ANGPT4: variants seen among roughly 807,000 people sequenced by gnomAD.
The protein encoded by ANGPT4 is angiopoietin-4.
ANGPT4 carries 50 observed loss-of-function variants against 53.0 expected under a neutral mutation model. That is an observed-to-expected ratio of 0.94 (90% confidence interval 0.75 to 1.20). ANGPT4 has a LOEUF of 1.20. Ranked by LOEUF, ANGPT4 falls within the 50% of genes most tolerant of loss-of-function variation. The pLI, the probability that ANGPT4 is intolerant of heterozygous loss-of-function variation, is 0.00. For missense variants in ANGPT4, 648 were observed against 637.1 expected (o/e 1.02, Z -0.18); for synonymous variants, 251 against 259.7 (o/e 0.97, Z 0.32).
Position 900,971 on chromosome 20 carries a change from G to A in ANGPT4, c.310-10603C>T, listed in dbSNP as rs146409694. ...CAGGCCATCACCAATCATTCTATAC[G>A]ACAAATGCTCCTTCTAACAACCCCA... On this transcript the variant is annotated intron_variant, in intron 1 of 8. Coordinates refer to ENST00000381922, the MANE Select transcript of ANGPT4 (RefSeq NM_015985.4). Among the ~76,000 whole-genome samples, 134 of 152,060 alleles carry A rather than the reference G, an allele frequency of 8.8e-4. No homozygotes were observed. The East Asian group carries it at 0.015, about 18-fold the overall frequency.
intron 2 of ANGPT4, among the ~76,000 whole-genome samples, chr20:888,855 A>G (rs1405480461): frequency 6.6e-6 from 1 of 152,048 alleles, no homozygotes; most frequent in Non-Finnish European, 1.5e-5. Flanking sequence ...CTCTTAAAAC[A>G]TGTTTGCTCT....
chr20:916,013 G>C lies in ANGPT4; in HGVS notation c.202C>G (p.Leu68Val). 2 of 1,614,142 alleles carry C rather than the reference G, an allele frequency of 1.2e-6. No individual in the cohort carries two copies. The highest frequency in any genetic ancestry group is 1.7e-6 in the Non-Finnish European group (2 of 1,179,974). Reference protein sequence around the residue: ...GPEVSRDSNTLQRESLANPLH... With the variant: ...GPEVSRDSNTVQRESLANPLH... ...GGGTTGGCCAGTGATTCTCTCTGGA[G>C]GGTGTTGGAGTCCCTGGAGACCTCA... Residue 68 changes from leucine (L) to valine (V), a missense_variant, in exon 1 of 9, where the codon CTC becomes GTC. Physicochemically the swap from Leu to Val is conservative, Grantham distance 32. Coordinates refer to ENST00000381922, the MANE Select transcript of ANGPT4 (RefSeq NM_015985.4).
rs999617409 is a variant in ANGPT4, at chr20:895,894, AG to A, written c.310-5527del. ...TGATTGCCAGGGCCTGGGTCCGGGG[AG>A]GGGGTGGGGATTGATTGTTAAAGGA... is the stretch of plus-strand genomic sequence containing the variant. On this transcript the variant is annotated intron_variant, in intron 1 of 8. Coordinates refer to ENST00000381922, the MANE Select transcript of ANGPT4 (RefSeq NM_015985.4). Among the ~76,000 whole-genome samples, 3 of 113,168 alleles carry A rather than the reference AG, an allele frequency of 2.7e-5. No homozygotes were observed. In the Admixed American group the frequency reaches 3.1e-4, roughly 12 times the overall value. The allele number at this position is 113,168 out of a possible 152,430, so 74.2% of individuals were successfully genotyped here.
At position 870,497 on chromosome 20, in the gene ANGPT4, A is replaced by G. The variant is rs1202022895; in HGVS notation, c.*2463T>C. 6.6e-6 allele frequency: 1 copy of G among 152,280 alleles called. No homozygotes were observed. Among genetic ancestry groups the G allele is most frequent in the Non-Finnish European group, 1.5e-5 (1 of 68,092 alleles). 9.4% of individuals were successfully genotyped at this position (152,280 alleles called of 1,614,324 possible). On this transcript the variant is annotated 3_prime_UTR_variant, in exon 9 of 9. Transcript: ENST00000381922. ...ATCTGAGATCATGCCACTGCACTCC[A>G]GCCTGGGTGACAGAGTGAGACTCTG...
chr20:873,195 C>A, intron 8 of ANGPT4, 75 bp from the exon 9 acceptor site: 1 of 1,407,258 alleles, frequency 7.1e-7, no homozygotes, highest in Non-Finnish European at 9.6e-7. Flanking sequence ...CCCCTGTGTC[C>A]CAAAGAGAAC....
intron 7 of ANGPT4, 111 bp from the exon 8 acceptor site, chr20:874,525 G>C: frequency 6.8e-7 from 1 of 1,461,740 alleles, no homozygotes; most frequent in South Asian, 1.3e-5. Flanking sequence ...TCCCCTCCAG[G>C]TGTTCTTGGA....
At chr20:907,653 G>A (rs1568857328) in intron 1 of ANGPT4, among the ~76,000 whole-genome samples, 3 of 152,142 alleles carry the variant, frequency 2.0e-5, no homozygotes, top group Admixed American at 6.5e-5. Context: ...TTTTACAGAC[G>A]AGGCACAGAG....
In ANGPT4 at chr20:908,558, A is replaced by G. The variant is rs139123878; in HGVS notation, c.309+7348T>C. On this transcript the variant is annotated intron_variant, in intron 1 of 8. Coordinates refer to ENST00000381922, the MANE Select transcript of ANGPT4 (RefSeq NM_015985.4). The surrounding 1 kb of genome is among the most constrained non-coding windows in gnomAD (Gnocchi z 4.9). ...CACATATCATGATTGATCGTTGCAC[A>G]TGGGAAATCACTAGGTTAGTTACAC... Among the ~76,000 whole-genome samples, 2 of 152,286 alleles carry G rather than the reference A, an allele frequency of 1.3e-5. No homozygotes were observed. The highest frequency in any genetic ancestry group is 3.9e-4 in the East Asian group (2 of 5,170).
At chr20:897,104 C>T (rs1312067801) in intron 1 of ANGPT4, among the ~76,000 whole-genome samples, 1 of 152,210 alleles carries the variant, frequency 6.6e-6, no homozygotes, top group Non-Finnish European at 1.5e-5. Flanking sequence ...TTTCCACTAC[C>T]TACCCAAATC....
In ANGPT4 at chr20:879,807, G is replaced by T; in HGVS notation, c.993C>A (p.Leu331=). Residue 331 remains leucine, a synonymous_variant, in exon 6 of 9, where the codon CTC becomes CTA. Coordinates refer to ENST00000381922, the MANE Select transcript of ANGPT4 (RefSeq NM_015985.4). ...CGGTGCCATTCTCACGGCGCTGGAT[G>T]AGGGTCCACCTGCCTCCACTGCTCT... The part of the protein sequence containing the change: ...DLQSSGGRWT[L]IQRRENGTVN... 1.2e-6 allele frequency: 2 copies of T among 1,613,868 alleles called. No individual in the cohort carries two copies. The highest frequency in any genetic ancestry group is 1.7e-6 in the Non-Finnish European group (2 of 1,179,866).
chr20:898,318 C>T (rs1318577503), intron 1 of ANGPT4, among the ~76,000 whole-genome samples: 1 of 152,208 alleles, frequency 6.6e-6, no homozygotes, highest in Non-Finnish European at 1.5e-5. Flanking sequence ...AACTAGCCCT[C>T]CTCACCTGCC....
chr20:907,013 G>C (rs1246463669), intron 1 of ANGPT4, among the ~76,000 whole-genome samples: 2 of 152,216 alleles, frequency 1.3e-5, no homozygotes, highest in Non-Finnish European at 2.9e-5. Context: ...GAGTCAGCAA[G>C]CTTGCTCAAT....
chr20:912,189 G>A (rs922594672), intron 1 of ANGPT4, among the ~76,000 whole-genome samples: 4 of 152,184 alleles, frequency 2.6e-5, no homozygotes, highest in African/African-American at 7.2e-5. Flanking sequence ...TTCTTGGATG[G>A]GACACCTGGG....
chr20:890,488 G>A (rs767625604), intron 1 of ANGPT4, 120 bp from the exon 2 acceptor site: 18 of 890,658 alleles, frequency 2.0e-5, no homozygotes, highest in East Asian at 1.3e-4. Context: ...CTCAGAACAT[G>A]CCGGGCCAGG....
At chr20:906,584 T>C (rs1982486630) in intron 1 of ANGPT4, among the ~76,000 whole-genome samples, 1 of 152,250 alleles carries the variant, frequency 6.6e-6, no homozygotes, top group South Asian at 2.1e-4. Context: ...TTAACCCTCT[T>C]GCTTCTCTTC....
At chr20:906,334 G>A (rs111254462) in intron 1 of ANGPT4, among the ~76,000 whole-genome samples, 47 of 152,070 alleles carry the variant, frequency 3.1e-4, no homozygotes, top group African/African-American at 1.0e-3. Flanking sequence ...ACAGGAGGCC[G>A]AGCCCCAGCC....
chr20:905,254 A>G (rs1982433792), intron 1 of ANGPT4, among the ~76,000 whole-genome samples: 1 of 152,116 alleles, frequency 6.6e-6, no homozygotes, highest in Non-Finnish European at 1.5e-5. Context: ...TCATTTGTCC[A>G]ATTCCCCCAC....
chr20:904,506 CA>C (rs1826265516), intron 1 of ANGPT4, among the ~76,000 whole-genome samples: 1 of 151,594 alleles, frequency 6.6e-6, no homozygotes, highest in Non-Finnish European at 1.5e-5. Flanking sequence ...GCTTTAACAT[CA>C]AAAACAGGGC....
chr20:880,071 G>A (rs977733054), intron 5 of ANGPT4, among the ~76,000 whole-genome samples: 2 of 152,208 alleles, frequency 1.3e-5, no homozygotes, highest in Admixed American at 1.3e-4. Context: ...CCTCTCATTT[G>A]TAAAATGGAG....
Sources: allele counts gnomAD v4.1 joint callset (sites outside exome capture counted in the v4.1 genomes callset), GRCh38; gene constraint gnomAD v4.1.1; non-coding constraint Gnocchi (gnomAD v3.1); transcripts MANE v1.5; gene names NCBI Gene and HGNC (gene_info 2026-07-23, HGNC 2026-07-21).